Variants in KDM5B observed in about 807,000 individuals in gnomAD.
KDM5B encodes lysine-specific demethylase 5B.
Under a neutral mutation model 193.4 loss-of-function variants are expected in KDM5B, and 144 were observed. The observed-to-expected ratio is 0.74, with a 90% CI of 0.65 to 0.86. The LOEUF (loss-of-function observed/expected upper bound fraction) is 0.86, where lower values mean the gene tolerates loss of function less well. Ranked by LOEUF, KDM5B falls within the 40% of genes least tolerant of loss-of-function variation. KDM5B has a pLI of 0.00. For synonymous variants in KDM5B, 668 were observed against 682.6 expected (o/e 0.98, Z 0.33); for missense variants, 1,833 against 1,886.9 (o/e 0.97, Z 0.53).
At chr1:202,783,452 C>A (rs145322473) in intron 1 of KDM5B, among the ~76,000 whole-genome samples, 1 of 151,102 alleles carries the variant, frequency 6.6e-6, no homozygotes, top group African/African-American at 2.4e-5. Flanking sequence ...CTGTAGTGAG[C>A]CACGATCATG....
At chr1:202,753,306 G>A (rs934073317) in intron 11 of KDM5B, among the ~76,000 whole-genome samples, 3 of 152,024 alleles carry the variant, frequency 2.0e-5, no homozygotes, top group Non-Finnish European at 2.9e-5. Flanking sequence ...GACCAGCCTG[G>A]CCAACATGGT....
intron 7 of KDM5B, among the ~76,000 whole-genome samples, chr1:202,761,834 G>A (rs939986105): frequency 3.3e-5 from 5 of 152,144 alleles, no homozygotes; most frequent in African/African-American, 1.2e-4. Flanking sequence ...CCTTATGGCA[G>A]CCACAGCAAA....
chr1:202,735,126 T>C (rs1655044833), intron 22 of KDM5B, among the ~76,000 whole-genome samples: 1 of 152,192 alleles, frequency 6.6e-6, no homozygotes, highest in African/African-American at 2.4e-5. Flanking sequence ...TTTTCATACA[T>C]CTATTAATAT....
rs1217008177 is a variant in KDM5B at position 202,729,634 on chromosome 1, C to T, written c.4497+73G>A. ...AGATAAGCAGAGGAGAAAGACCCAG[C>T]GAGATGAGGTCTAGCTTACAGGGTT... On this transcript the variant is annotated intron_variant, in intron 26 of 26. Transcript: ENST00000367265. 1.6e-5 allele frequency: 21 copies of T among 1,299,008 alleles called. No individual in the cohort carries two copies. The South Asian group carries it at 2.5e-4, about 16-fold the overall frequency. The allele number at this position is 1,299,008 out of a possible 1,614,324, so 80.5% of individuals were successfully genotyped here.
At chr1:202,794,121 T>C (rs918384932) in intron 1 of KDM5B, among the ~76,000 whole-genome samples, 5 of 152,200 alleles carry the variant, frequency 3.3e-5, no homozygotes, top group Non-Finnish European at 7.3e-5. Flanking sequence ...TTCCCCACTG[T>C]CCTATAAAGA....
intron 2 of KDM5B, among the ~76,000 whole-genome samples, chr1:202,775,212 G>C (rs1656889357): frequency 6.6e-6 from 1 of 150,394 alleles, no homozygotes; most frequent in Non-Finnish European, 1.5e-5. Context: ...ACTCCAGCCT[G>C]GATGAGACAG....
At chr1:202,743,336 C>CAAAAAAAA (rs56202317) in intron 16 of KDM5B, among the ~76,000 whole-genome samples, 1 of 79,444 alleles carries the variant, frequency 1.3e-5, no homozygotes, top group African/African-American at 5.5e-5. Context: ...GACCTTGTCT[C>CAAAAAAAA]AAAAAAAAAA....
At chr1:202,807,158 G>C (rs1658329199) in intron 1 of KDM5B, 1 of 152,412 alleles carries the variant, frequency 6.6e-6, no homozygotes. Flanking sequence ...TGAGGGCCGG[G>C]GGAAACGAGC....
At position 202,745,850 on chromosome 1, in the gene KDM5B, T is replaced by G; in HGVS notation, c.2323+8A>C. 4 of 1,613,874 alleles carry G rather than the reference T, an allele frequency of 2.5e-6. No individual in the cohort carries two copies. The highest frequency in any genetic ancestry group is 3.4e-6 in the Non-Finnish European group (4 of 1,179,818). ...GCCAATCACCAAGTCACTTTCTGTA[T>G]CACATACTTTTCTTCTTGTTGATCT... On this transcript the variant is annotated splice_region_variant and intron_variant, in intron 16 of 26. Coordinates refer to ENST00000367265, the MANE Select transcript of KDM5B (RefSeq NM_006618.5).
At chr1:202,733,992 G>A (rs1054176160) in intron 22 of KDM5B, 106 bp from the exon 23 acceptor site, 16 of 1,360,288 alleles carry the variant, frequency 1.2e-5, no homozygotes, top group Non-Finnish European at 1.4e-5. Flanking sequence ...TAGATCATCT[G>A]TATTCAAATC....
rs1655680722 is a variant in KDM5B at position 202,748,998 on chromosome 1, T to C, written c.1963A>G (p.Met655Val). The change falls in exon 14 of 27, where the codon ATG becomes GTG. Residue 655 changes from methionine to valine, a missense_variant. By Grantham distance (21) the Met-to-Val change is conservative. This residue lies in a region of KDM5B where 1,379 missense variants were observed against 1,349.6 expected (regional missense o/e 1.02). Coordinates refer to ENST00000367265, the MANE Select transcript of KDM5B (RefSeq NM_006618.5). The part of the protein sequence containing the change: ...VVVASTVQKD[M>V]AIMIEDEKAL... ...TTCTCATCCTCAATCATAATGGCCA[T>C]GTCTTTCTGAACAGTTGAAGCCACT... 6.2e-7 allele frequency: 1 copy of C among 1,613,598 alleles called. No homozygotes were observed. Among genetic ancestry groups the C allele is most frequent in the Non-Finnish European group, 8.5e-7 (1 of 1,179,756 alleles).
intron 4 of KDM5B, 145 bp downstream of exon 4, chr1:202,772,973 A>C: frequency 1.7e-6 from 1 of 590,696 alleles, no homozygotes; most frequent in Non-Finnish European, 2.9e-6. Flanking sequence ...TTGGGATTAC[A>C]GGAGTGAGCC....
rs959124631 is a variant in KDM5B, at chr1:202,808,412, C to T, written c.-107G>A. ...GACGCGGCTCGAGCAACAGCAAGTC[C>T]GAGTTGTACGGGCAACGGCAGCACC... On this transcript the variant is annotated 5_prime_UTR_variant, in exon 1 of 27. Coordinates refer to ENST00000367265, the MANE Select transcript of KDM5B (RefSeq NM_006618.5). 2.9e-6 allele frequency: 3 copies of T among 1,021,180 alleles called. No individual in the cohort carries two copies. The highest frequency in any genetic ancestry group is 1.6e-5 in the African/African-American group (1 of 61,776). The allele number at this position is 1,021,180 out of a possible 1,614,324, so 63.3% of individuals were successfully genotyped here.
At chr1:202,797,078 A>G (rs902326614) in intron 1 of KDM5B, 2 of 152,220 alleles carry the variant, frequency 1.3e-5, no homozygotes, top group East Asian at 1.9e-4. Context: ...AGACTCAATC[A>G]GGACCAGCAT....
At chr1:202,731,789 A>G (rs760479983) in intron 24 of KDM5B, 39 bp downstream of exon 24, 1 of 1,367,782 alleles carries the variant, frequency 7.3e-7, no homozygotes, top group South Asian at 1.2e-5. Context: ...AAGATCACTC[A>G]TTACTATCCA....
In KDM5B at chr1:202,725,716, T is replaced by C. The variant is rs1450472589; in HGVS notation, c.*3320A>G. 6.6e-6 allele frequency: 1 copy of C among 152,248 alleles called. No individual in the cohort carries two copies. The highest frequency in any genetic ancestry group is 1.5e-5 in the Non-Finnish European group (1 of 68,044). 9.4% of individuals were successfully genotyped at this position (152,248 alleles called of 1,614,324 possible). A position where few individuals can be genotyped will look rare whatever the true frequency, so the allele number is the denominator to read the frequency against. The stretch of plus-strand genomic sequence containing the variant: ...AGGCTGACACTAGCATGGACTAGTA[T>C]GTAGTTAGTCTGATAATGAATAACC... On this transcript the variant is annotated 3_prime_UTR_variant, in exon 27 of 27. Coordinates refer to ENST00000367265, the MANE Select transcript of KDM5B (RefSeq NM_006618.5).
chr1:202,794,751 G>A (rs1269655087), intron 1 of KDM5B, among the ~76,000 whole-genome samples: 1 of 152,002 alleles, frequency 6.6e-6, no homozygotes. Context: ...TTATCTGGAG[G>A]GATACATTCC....
At chr1:202,760,794 G>C (rs1024152172) in intron 7 of KDM5B, among the ~76,000 whole-genome samples, 4 of 152,138 alleles carry the variant, frequency 2.6e-5, no homozygotes, top group African/African-American at 9.7e-5. Flanking sequence ...GAATCTCCTA[G>C]CTTTCTCAAC....
At chr1:202,799,233 G>A (rs1199156812) in intron 1 of KDM5B, among the ~76,000 whole-genome samples, 3 of 152,158 alleles carry the variant, frequency 2.0e-5, no homozygotes, top group East Asian at 1.9e-4. Context: ...ACAAGCATAC[G>A]TTGCAGAAAA....
Sources: gnomAD v4.1 joint callset for allele counts (sites outside exome capture counted in the v4.1 genomes callset) on GRCh38, gnomAD v4.1.1 for gene constraint, gnomAD v4.1.1 regional missense constraint, MANE v1.5 for transcripts, NCBI Gene and HGNC (gene_info 2026-07-23, HGNC 2026-07-21) for gene names.